The following TEX11 variants were observed in gnomAD, a reference collection of about 807,000 sequenced individuals.
TEX11 encodes the protein testis expressed 11.
Under a neutral mutation model 84.4 loss-of-function variants are expected in TEX11, and 7 were observed. The ratio of observed to expected loss-of-function variants is 0.08; its 90% confidence interval spans 0.05 to 0.16. The LOEUF (loss-of-function observed/expected upper bound fraction) is 0.16, where lower values mean the gene tolerates loss of function less well. Among genes scored for constraint, TEX11 ranks in the 10% least tolerant of loss-of-function variants. The pLI, the probability that TEX11 is intolerant of heterozygous loss-of-function variation, is 1.00. For missense variants in TEX11, 551 were observed against 660.5 expected (o/e 0.83, Z 1.82); for synonymous variants, 264 against 222.8 (o/e 1.18, Z -1.64).
intron 28 of TEX11, among the ~76,000 whole-genome samples, chrX:70,548,499 A>T (rs1321788041): frequency 3.6e-5 from 4 of 111,592 alleles, no homozygotes; most frequent in Non-Finnish European, 1.9e-5. Flanking sequence ...TCACCGAAAG[A>T]GCCACTGAAG....
intron 25 of TEX11, among the ~76,000 whole-genome samples, chrX:70,559,637 CATA>C (rs1466975368): frequency 8.9e-6 from 1 of 112,173 alleles, no homozygotes; most frequent in African/African-American, 3.2e-5. Flanking sequence ...TTCTTTTACT[CATA>C]ATGTCTGTCA....
intron 9 of TEX11, among the ~76,000 whole-genome samples, chrX:70,750,933 A>T (rs28771179): frequency 0.046 from 1,268 of 27,830 alleles, 65 homozygotes; most frequent in African/African-American, 0.091. Context: ...AAAAAAAAAA[A>T]ATATATATAT....
At chrX:70,731,999 A>C (rs943347351) in intron 11 of TEX11, among the ~76,000 whole-genome samples, 1 of 112,246 alleles carries the variant, frequency 8.9e-6, no homozygotes, top group African/African-American at 3.2e-5. Flanking sequence ...CTGGTTCAAC[A>C]TGTGCAAATC....
intron 9 of TEX11, among the ~76,000 whole-genome samples, chrX:70,749,571 CT>C (rs2090797042): frequency 9.7e-6 from 1 of 103,013 alleles, no homozygotes; most frequent in Non-Finnish European, 2.0e-5. Context: ...TCATAGATAG[CT>C]CTTATTATTT....
intron 9 of TEX11, among the ~76,000 whole-genome samples, chrX:70,751,183 C>A (rs185405526): frequency 2.8e-5 from 3 of 105,442 alleles, no homozygotes; most frequent in African/African-American, 1.0e-4. Flanking sequence ...CACATGCACA[C>A]GTATGTTTAT....
chrX:70,637,869 G>A (rs1040900933), intron 17 of TEX11, among the ~76,000 whole-genome samples: 1 of 109,738 alleles, frequency 9.1e-6, no homozygotes, highest in Admixed American at 9.8e-5. Context: ...CATGGCACAC[G>A]TTTACCTATG....
chrX:70,898,430 G>A (rs1395854322), intron 2 of TEX11, among the ~76,000 whole-genome samples: 1 of 111,017 alleles, frequency 9.0e-6, no homozygotes, highest in East Asian at 2.8e-4. Flanking sequence ...ACGCCAGAGG[G>A]CAAAGCACAG....
At chrX:70,726,444 C>A (rs1158789117) in intron 11 of TEX11, among the ~76,000 whole-genome samples, 1 of 111,927 alleles carries the variant, frequency 8.9e-6, no homozygotes. Flanking sequence ...CCTGCTAAAT[C>A]CATCAGCTTT....
rs143343913 is a variant in TEX11, at chrX:70,723,338, G to A, written c.926-642C>T. On this transcript the variant is annotated intron_variant, in intron 12 of 29. Coordinates refer to ENST00000374333, the MANE Select transcript of TEX11 (RefSeq NM_031276.3). The stretch of plus-strand genomic sequence containing the variant: ...TACACTGTATGTCTATTACAGGGTA[G>A]CAATAAACTATTGTGCAACCATTAA... Among the ~76,000 whole-genome samples, 325 of 111,361 alleles carry A rather than the reference G, an allele frequency of 2.9e-3. 1 individual carries two copies. Among genetic ancestry groups the A allele is most frequent in the African/African-American group, 0.01 (308 of 30,753 alleles).
At chrX:70,760,222 C>T (rs1036666580) in intron 9 of TEX11, among the ~76,000 whole-genome samples, 5 of 111,866 alleles carry the variant, frequency 4.5e-5, no homozygotes, top group African/African-American at 1.3e-4. Flanking sequence ...CCATCCCCAT[C>T]AAGCTACCAA....
chrX:70,558,095 C>T (rs1180206577), intron 25 of TEX11, among the ~76,000 whole-genome samples: 3 of 110,818 alleles, frequency 2.7e-5, no homozygotes, highest in Non-Finnish European at 5.7e-5. Flanking sequence ...TGCAGTAAGC[C>T]GAGATGGCAC....
chrX:70,621,551 AATATATATATATAT>A (rs1555999800), intron 20 of TEX11, among the ~76,000 whole-genome samples: 4 of 7,814 alleles, frequency 5.1e-4, no homozygotes, highest in African/African-American at 1.1e-3. Context: ...AAAAAAAAAA[AATATATATATATAT>A]ATATATATAT....
rs1490638408 is a variant in TEX11 at position 70,723,189 on chromosome X, C to T, written c.926-493G>A. Among the ~76,000 whole-genome samples the T allele has an allele frequency of 3.6e-5, 4 of 111,625 alleles. No individual in the cohort carries two copies. The East Asian group carries it at 1.1e-3, about 31-fold the overall frequency. On this transcript the variant is annotated intron_variant, in intron 12 of 29. Transcript: ENST00000374333. ...TTAGTAAGCATTTAATAAATGGCAG[C>T]TGCTATTATTATTCCCTTTAAGAAA... is the stretch of plus-strand genomic sequence containing the variant.
At chrX:70,869,721 G>C (rs1446382979) in intron 4 of TEX11, among the ~76,000 whole-genome samples, 1 of 109,874 alleles carries the variant, frequency 9.1e-6, no homozygotes, top group Non-Finnish European at 1.9e-5. Context: ...GGGTTGCAGT[G>C]AGTCAATATT....
At chrX:70,544,246 G>A (rs1159117284) in intron 28 of TEX11, among the ~76,000 whole-genome samples, 1 of 111,900 alleles carries the variant, frequency 8.9e-6, no homozygotes, top group East Asian at 2.8e-4. Context: ...AGGTGTGGTG[G>A]CTCACACCTG....
At chrX:70,561,426 C>T (rs766161068) in intron 25 of TEX11, among the ~76,000 whole-genome samples, 15 of 90,849 alleles carry the variant, frequency 1.7e-4, no homozygotes, top group African/African-American at 4.0e-4. Context: ...CTCGTTCTGT[C>T]GCCCAGGCTG....
chrX:70,727,301 G>A (rs775254849), intron 11 of TEX11, among the ~76,000 whole-genome samples: 16 of 111,533 alleles, frequency 1.4e-4, no homozygotes, highest in Non-Finnish European at 2.8e-4. Context: ...TAAAGATAAT[G>A]TACTCATTTC....
intron 13 of TEX11, among the ~76,000 whole-genome samples, chrX:70,702,287 C>T (rs962884811): frequency 1.8e-5 from 2 of 111,604 alleles, no homozygotes; most frequent in Non-Finnish European, 1.9e-5. Flanking sequence ...CTGATCAGTC[C>T]GCAGCCAACA....
At chrX:70,572,659 T>C (rs1282467386) in intron 25 of TEX11, among the ~76,000 whole-genome samples, 1 of 110,325 alleles carries the variant, frequency 9.1e-6, no homozygotes, top group Admixed American at 9.7e-5. Flanking sequence ...CACCATGGAA[T>C]ACTATGCAGC....
Sources: gnomAD v4.1 joint callset for allele counts (sites outside exome capture counted in the v4.1 genomes callset) on GRCh38, gnomAD v4.1.1 for gene constraint, MANE v1.5 for transcripts, NCBI Gene and HGNC (gene_info 2026-07-23, HGNC 2026-07-21) for gene names.